PAK2: variants seen among roughly 807,000 people sequenced by gnomAD.
PAK2 encodes the protein p21 (RAC1) activated kinase 2, also known as serine/threonine-protein kinase PAK 2.
Under a neutral mutation model 65.9 loss-of-function variants are expected in PAK2, and 21 were observed. That is an observed-to-expected ratio of 0.32 (90% CI 0.23 to 0.46). The LOEUF is 0.46. Ranked by LOEUF, PAK2 falls within the 20% of genes least tolerant of loss-of-function variation. PAK2 has a pLI of 1.00. For synonymous variants in PAK2, 204 were observed against 219.7 expected, an observed-to-expected ratio of 0.93 and a Z score of 0.63; for missense variants, 324 against 642.6, an observed-to-expected ratio of 0.50 and a Z score of 5.36.
intron 13 of PAK2, among the ~76,000 whole-genome samples, chr3:196,823,721 G>T (rs1560119553): frequency 6.6e-6 from 1 of 151,386 alleles, no homozygotes; most frequent in Non-Finnish European, 1.5e-5. Context: ...AATGAGCCAG[G>T]CATGGTGGCG....
intron 7 of PAK2, among the ~76,000 whole-genome samples, chr3:196,809,445 G>A (rs1715702717): frequency 7.3e-6 from 1 of 137,014 alleles, no homozygotes; most frequent in African/African-American, 2.7e-5. Context: ...TCCAGTTCAA[G>A]CGTTTCTTCT....
At chr3:196,797,842 G>T (rs976842260) in intron 2 of PAK2, among the ~76,000 whole-genome samples, 21 of 152,078 alleles carry the variant, frequency 1.4e-4, no homozygotes, top group Non-Finnish European at 2.5e-4. Context: ...TCACAAGAAG[G>T]TCTCTGGAAA....
chr3:196,814,625 C>G, intron 11 of PAK2, 57 bp downstream of exon 11: 1 of 772,140 alleles, frequency 1.3e-6, no homozygotes, highest in South Asian at 1.5e-5. Context: ...AAGAAGTGAA[C>G]AAAAGGAAAT....
At chr3:196,798,027 A>C (rs868567409) in intron 2 of PAK2, among the ~76,000 whole-genome samples, 11 of 152,340 alleles carry the variant, frequency 7.2e-5, no homozygotes, top group African/African-American at 1.4e-4. Context: ...CAATGACTTT[A>C]GCTAAGCCAT....
At chr3:196,788,565 A>G (rs184096495) in intron 2 of PAK2, among the ~76,000 whole-genome samples, 1 of 152,230 alleles carries the variant, frequency 6.6e-6, no homozygotes, top group East Asian at 1.9e-4. Context: ...ATCAGAGATG[A>G]GTGATAAAGC....
At chr3:196,774,619 G>A (rs1488647284) in intron 1 of PAK2, among the ~76,000 whole-genome samples, 1 of 152,216 alleles carries the variant, frequency 6.6e-6, no homozygotes, top group African/African-American at 2.4e-5. Context: ...TGAGGCATAG[G>A]ATTGACATGG....
intron 13 of PAK2, among the ~76,000 whole-genome samples, chr3:196,823,766 G>A (rs148687870): frequency 1.8e-3 from 272 of 150,430 alleles, no homozygotes; most frequent in African/African-American, 6.1e-3. Flanking sequence ...AGAGGCTGAG[G>A]TGGGAGAATT....
intron 1 of PAK2, among the ~76,000 whole-genome samples, chr3:196,756,744 A>G (rs539945264): frequency 1.5e-3 from 232 of 152,238 alleles, no homozygotes; most frequent in African/African-American, 5.0e-3. Flanking sequence ...GCTGAGGCAG[A>G]AGAATCGCTT....
intron 14 of PAK2, among the ~76,000 whole-genome samples, chr3:196,828,002 C>A (rs113045709): frequency 4.2e-4 from 47 of 111,140 alleles, no homozygotes; most frequent in Admixed American, 7.9e-4. Context: ...GTTTGTGCAT[C>A]GTATCAATCC....
intron 6 of PAK2, among the ~76,000 whole-genome samples, chr3:196,807,068 C>T (rs1253487050): frequency 6.6e-6 from 1 of 152,178 alleles, no homozygotes; most frequent in East Asian, 1.9e-4. Context: ...TTACACTACT[C>T]TCAGCGCCTT....
intron 1 of PAK2, among the ~76,000 whole-genome samples, chr3:196,755,125 T>C (rs1367251987): frequency 6.6e-6 from 1 of 152,200 alleles, no homozygotes; most frequent in African/African-American, 2.4e-5. Context: ...ACAGACTACG[T>C]TGGAGATTTC....
chr3:196,818,643 G>T (rs1042370857), intron 12 of PAK2, among the ~76,000 whole-genome samples: 2 of 152,162 alleles, frequency 1.3e-5, no homozygotes, highest in East Asian at 3.8e-4. Context: ...TGGGATTACA[G>T]GCGTGAGCCA....
chr3:196,809,634 T>C (rs887558153), intron 7 of PAK2, among the ~76,000 whole-genome samples: 70 of 151,402 alleles, frequency 4.6e-4, no homozygotes, highest in Non-Finnish European at 7.5e-4. Flanking sequence ...ATAAGAATTA[T>C]TTTAGGAGAG....
At chr3:196,799,223 G>A (rs1715346510) in intron 2 of PAK2, among the ~76,000 whole-genome samples, 1 of 152,176 alleles carries the variant, frequency 6.6e-6, no homozygotes, top group African/African-American at 2.4e-5. Flanking sequence ...TAGTATTCAA[G>A]AAACAACTGT....
chr3:196,830,222 A>C lies in PAK2; in HGVS notation c.*1817A>C, dbSNP rs1317436994. On this transcript the variant is annotated 3_prime_UTR_variant, in exon 15 of 15. Transcript: ENST00000327134. ...TTTTTATTGATAAGGCAAGATTTTC[A>C]GAAAAATGAGTAAAATAATTAATGA... 1 of 152,246 alleles carries C rather than the reference A, an allele frequency of 6.6e-6. No homozygotes were observed. Among genetic ancestry groups the C allele is most frequent in the East Asian group, 1.9e-4 (1 of 5,204 alleles). 9.4% of individuals were successfully genotyped at this position (152,246 alleles called of 1,614,324 possible).
At chr3:196,767,440 A>T (rs992452589) in intron 1 of PAK2, among the ~76,000 whole-genome samples, 1 of 152,142 alleles carries the variant, frequency 6.6e-6, no homozygotes, top group Non-Finnish European at 1.5e-5. Context: ...TGACTATAAT[A>T]GAAAAAAAGA....
intron 13 of PAK2, among the ~76,000 whole-genome samples, chr3:196,821,558 C>T (rs1711652762): frequency 6.6e-6 from 1 of 151,478 alleles, no homozygotes; most frequent in Admixed American, 6.6e-5. Context: ...TGGTGGGTGC[C>T]TGTAATCCCA....
chr3:196,757,912 G>A (rs1288807724), intron 1 of PAK2, among the ~76,000 whole-genome samples: 1 of 152,168 alleles, frequency 6.6e-6, no homozygotes, highest in Non-Finnish European at 1.5e-5. Context: ...TTTATTGGTT[G>A]TGATGAACAA....
At chr3:196,802,978 A>G (rs770128324) in intron 3 of PAK2, 39 bp from the exon 4 acceptor site, 14 of 1,423,126 alleles carry the variant, frequency 9.8e-6, no homozygotes, top group Admixed American at 5.0e-5. Context: ...TATTGCATCA[A>G]TTTAAACCAT....
Sources: allele counts gnomAD v4.1 joint callset (sites outside exome capture counted in the v4.1 genomes callset), GRCh38; gene constraint gnomAD v4.1.1; transcripts MANE v1.5; gene names NCBI Gene and HGNC (gene_info 2026-07-23, HGNC 2026-07-21).